CYSLTR1: variants seen among roughly 807,000 people sequenced by gnomAD.
CYSLTR1 encodes the protein cysteinyl leukotriene receptor 1.
Under a neutral mutation model 2.1 loss-of-function variants are expected in CYSLTR1, and 1 was observed. That is an observed-to-expected ratio of 0.48 (90% CI 0.17 to 2.28). CYSLTR1 has a LOEUF of 2.28. CYSLTR1 is among the 30% of genes most tolerant of loss of function. CYSLTR1 has a pLI of 0.26. For missense variants in CYSLTR1, 299 were observed against 250.1 expected (o/e 1.20, Z -1.32); for synonymous variants, 110 against 89.6 (o/e 1.23, Z -1.28).
intron 1 of CYSLTR1, among the ~76,000 whole-genome samples, chrX:78,284,324 A>G (rs1341801869): frequency 3.6e-5 from 4 of 111,928 alleles, no homozygotes; most frequent in African/African-American, 1.3e-4. Context: ...GCTAGCTACT[A>G]TTCCTTTATC....
intron 1 of CYSLTR1, among the ~76,000 whole-genome samples, chrX:78,310,944 T>C (rs773749462): frequency 1.0e-4 from 11 of 109,549 alleles, no homozygotes; most frequent in African/African-American, 3.6e-4. Context: ...AAGTGAGAAA[T>C]TAGGTAGAAA....
intron 1 of CYSLTR1, among the ~76,000 whole-genome samples, chrX:78,295,252 C>T (rs1374059674): frequency 9.0e-6 from 1 of 111,196 alleles, no homozygotes; most frequent in Non-Finnish European, 1.9e-5. Flanking sequence ...GTATATGTAC[C>T]GTCTTTTTCT....
chrX:78,301,991 A>G (rs1922839311), intron 1 of CYSLTR1, among the ~76,000 whole-genome samples: 1 of 111,892 alleles, frequency 8.9e-6, no homozygotes, highest in East Asian at 2.8e-4. Flanking sequence ...AAACCATTGG[A>G]TCTCATGAGA....
intron 1 of CYSLTR1, among the ~76,000 whole-genome samples, chrX:78,299,734 C>G (rs962674190): frequency 2.7e-5 from 3 of 111,286 alleles, no homozygotes; most frequent in African/African-American, 9.8e-5. Context: ...TCTTTGACCT[C>G]TGAAAATTTT....
intron 1 of CYSLTR1, among the ~76,000 whole-genome samples, chrX:78,295,432 T>G (rs994816560): frequency 3.7e-5 from 4 of 107,275 alleles, no homozygotes; most frequent in Non-Finnish European, 3.8e-5. Context: ...CCAGATCATA[T>G]GGGAATTCTA....
intron 1 of CYSLTR1, among the ~76,000 whole-genome samples, chrX:78,299,149 CAAG>C (rs962878784): frequency 3.6e-5 from 4 of 111,615 alleles, no homozygotes; most frequent in South Asian, 3.6e-4. Context: ...AACGAAAAAG[CAAG>C]AAGAATACTT....
intron 2 of CYSLTR1, among the ~76,000 whole-genome samples, chrX:78,278,287 C>T (rs193151748): frequency 2.8e-4 from 31 of 111,334 alleles, no homozygotes; most frequent in African/African-American, 9.5e-4. Flanking sequence ...ATAGACTGAA[C>T]CCATGACTCA....
chrX:78,289,590 G>T (rs1388806498), intron 1 of CYSLTR1, among the ~76,000 whole-genome samples: 1 of 111,964 alleles, frequency 8.9e-6, no homozygotes, highest in Non-Finnish European at 1.9e-5. Flanking sequence ...CAGTGTAAAA[G>T]TGTTCCTATT....
At chrX:78,289,177 T>G (rs746928363) in intron 1 of CYSLTR1, among the ~76,000 whole-genome samples, 1 of 108,432 alleles carries the variant, frequency 9.2e-6, no homozygotes, top group Non-Finnish European at 1.9e-5. Flanking sequence ...AGTGTTCTCA[T>G]TGTTTGGTTC....
At position 78,275,184 on chromosome X, in the gene CYSLTR1, A is replaced by T. The variant is rs895170131; in HGVS notation, c.-27-1411T>A. On this transcript the variant is annotated intron_variant, in intron 2 of 2. Transcript: ENST00000373304. ...AAGACAGTGTGGCGATTCCTCAAGG[A>T]TCTAGAACTAGAAATATCATTTGAC... Among the ~76,000 whole-genome samples, 6 of 112,176 alleles carry T rather than the reference A, an allele frequency of 5.3e-5. No homozygotes were observed. In the South Asian group the frequency reaches 2.2e-3, roughly 41 times the overall value.
At chrX:78,284,178 A>C (rs1303116893) in intron 1 of CYSLTR1, among the ~76,000 whole-genome samples, 1 of 111,672 alleles carries the variant, frequency 9.0e-6, no homozygotes, top group African/African-American at 3.3e-5. Context: ...ATGTTCAATA[A>C]TCTAACAAAG....
chrX:78,273,344 C>T lies in CYSLTR1; in HGVS notation c.403G>A (p.Val135Ile), dbSNP rs200236484. Residue 135 changes from valine to isoleucine, a missense_variant, in exon 3 of 3, where the codon GTT (valine) becomes ATT (isoleucine). Val to Ile is a conservative substitution (Grantham distance 29). Transcript: ENST00000373304. The stretch of plus-strand genomic sequence containing the variant: ...ACAAACCTGGCTTTTTTCTGTGTAA[C>T]CAAATTAATGTTCTGGACTGGAAAA... ...IVFPVQNINL[V>I]TQKKARFVCV... 1.1e-5 allele frequency: 13 copies of T among 1,208,969 alleles called. No individual in the cohort carries two copies. Among genetic ancestry groups the T allele is most frequent in the Non-Finnish European group, 1.5e-5 (13 of 894,979 alleles).
At chrX:78,289,771 G>A (rs757084053) in intron 1 of CYSLTR1, among the ~76,000 whole-genome samples, 1 of 112,278 alleles carries the variant, frequency 8.9e-6, no homozygotes, top group African/African-American at 3.2e-5. Context: ...CTTTTGAGAA[G>A]TGTCTGTTCA....
chrX:78,273,784 TA>T lies in CYSLTR1; in HGVS notation c.-27-12del, dbSNP rs751344385. 3.8e-5 allele frequency: 43 copies of T among 1,134,642 alleles called. No individual in the cohort carries two copies. Among genetic ancestry groups the T allele is most frequent in the South Asian group, 8.6e-5 (4 of 46,359 alleles). The allele number at this position is 1,134,642 out of a possible 1,213,427, so 93.5% of individuals were successfully genotyped here. ...ATGTCTGCTTTGTGCCTATAATAAA[TA>T]AAAAAAATTGTCAATTTTAACTAGA... On this transcript the variant is annotated splice_polypyrimidine_tract_variant and intron_variant, in intron 2 of 2. Transcript: ENST00000373304.
chrX:78,294,527 A>G (rs943734280), intron 1 of CYSLTR1, among the ~76,000 whole-genome samples: 7 of 112,558 alleles, frequency 6.2e-5, no homozygotes, highest in Non-Finnish European at 9.4e-5. Context: ...TCAGACAGGG[A>G]CATTTATGTC....
Position 78,272,374 on chromosome X carries a change from T to G in CYSLTR1, c.*359A>C, listed in dbSNP as rs1233093483. On this transcript the variant is annotated 3_prime_UTR_variant, in exon 3 of 3. Coordinates refer to ENST00000373304, the MANE Select transcript of CYSLTR1 (RefSeq NM_006639.4). ...AGTTTTATATTTTATAACTTTTAGC[T>G]TGCATGTATTTTTATTGACTAATTT... 2 of 122,426 alleles carry G rather than the reference T, an allele frequency of 1.6e-5. No individual in the cohort carries two copies. Among genetic ancestry groups the G allele is most frequent in the African/African-American group, 6.4e-5 (2 of 31,367 alleles). The allele number at this position is 122,426 out of a possible 1,213,427, so 10.1% of individuals were successfully genotyped here. A position where few individuals can be genotyped will look rare whatever the true frequency, so the allele number is the denominator to read the frequency against.
chrX:78,323,323 T>A (rs1469453101), intron 1 of CYSLTR1, among the ~76,000 whole-genome samples: 1 of 112,194 alleles, frequency 8.9e-6, no homozygotes, highest in Non-Finnish European at 1.9e-5. Context: ...ATCTTGGCAT[T>A]TAGATGTCTG....
chrX:78,281,112 T>G (rs185952387), intron 2 of CYSLTR1, among the ~76,000 whole-genome samples: 1 of 111,495 alleles, frequency 9.0e-6, no homozygotes, highest in African/African-American at 3.3e-5. Flanking sequence ...GTAATGGAAT[T>G]GCTGGGTGGA....
chrX:78,283,053 G>T (rs1038922759), intron 2 of CYSLTR1, among the ~76,000 whole-genome samples: 2 of 112,272 alleles, frequency 1.8e-5, no homozygotes, highest in South Asian at 7.2e-4. Flanking sequence ...GAATGGTAGA[G>T]ATCATTTACT....
Sources: allele counts gnomAD v4.1 joint callset (sites outside exome capture counted in the v4.1 genomes callset), GRCh38; gene constraint gnomAD v4.1.1; transcripts MANE v1.5; gene names NCBI Gene and HGNC (gene_info 2026-07-23, HGNC 2026-07-21).